The following NEMP2 variants were observed in gnomAD, a reference collection of about 807,000 sequenced individuals.
NEMP2 encodes UPF0571 transmembrane protein.
In NEMP2, 53 loss-of-function variants were observed where a neutral mutation model predicts 54.2. The ratio of observed to expected loss-of-function variants is 0.98; its 90% CI spans 0.78 to 1.23. The LOEUF is 1.23. Ranked by LOEUF, NEMP2 falls within the 50% of genes most tolerant of loss-of-function variation. The probability of loss-of-function intolerance (pLI) is 0.00; values close to 1 mark genes in which losing one functional copy is unlikely to be tolerated. For synonymous variants in NEMP2, 197 were observed against 190.3 expected (o/e 1.04, Z -0.29); for missense variants, 455 against 511.3 (o/e 0.89, Z 1.06).
the NEMP2 span, chr2:190,646,981 T>C: frequency 6.6e-6 from 1 of 152,206 alleles, no homozygotes; most frequent in Non-Finnish European, 1.5e-5. Flanking sequence ...ATAGAGGAAT[T>C]AGAAGAGAAT....
the NEMP2 span, among the ~76,000 whole-genome samples, chr2:190,618,580 C>T: frequency 6.6e-6 from 1 of 151,978 alleles, no homozygotes; most frequent in Non-Finnish European, 1.5e-5. Context: ...CCATTATCTA[C>T]CTTTTTTTAT....
chr2:190,434,444 TTTA>T, the NEMP2 span, among the ~76,000 whole-genome samples: 1 of 152,190 alleles, frequency 6.6e-6, no homozygotes, highest in Non-Finnish European at 1.5e-5. The surrounding 1 kb of genome is among the most constrained non-coding windows in gnomAD (Gnocchi z 4.3). Context: ...ATTTTATTTA[TTTA>T]TTTTTTTGAG....
At chr2:190,447,310 G>A in the NEMP2 span, among the ~76,000 whole-genome samples, 3 of 152,324 alleles carry the variant, frequency 2.0e-5, no homozygotes, top group South Asian at 6.2e-4. The surrounding 1 kb of genome is among the most constrained non-coding windows in gnomAD (Gnocchi z 4.5). Flanking sequence ...TTAGACATGA[G>A]TGATTGAGCG....
chr2:190,532,449 C>T (rs181605793), intron 1 of NEMP2, among the ~76,000 whole-genome samples: 12 of 152,258 alleles, frequency 7.9e-5, no homozygotes, highest in African/African-American at 2.9e-4. Flanking sequence ...CTGACAGGGC[C>T]TGAACTTCAT....
At chr2:190,578,780 A>G in the NEMP2 span, among the ~76,000 whole-genome samples, 1 of 151,356 alleles carries the variant, frequency 6.6e-6, no homozygotes, top group Non-Finnish European at 1.5e-5. This position sits in a 1 kb window ranked among gnomAD's most constrained non-coding sequence, Gnocchi z 4.4. Context: ...GGTGGAGGGA[A>G]AAAAAAAGCG....
At chr2:190,572,833 GTATATATATA>G in the NEMP2 span, among the ~76,000 whole-genome samples, 105 of 47,864 alleles carry the variant, frequency 2.2e-3, 2 homozygotes, top group African/African-American at 7.6e-3. Context: ...CTTTTCATGA[GTATATATATA>G]TATATATATA....
At chr2:190,421,691 G>C in the NEMP2 span, among the ~76,000 whole-genome samples, 1 of 151,868 alleles carries the variant, frequency 6.6e-6, no homozygotes, top group Non-Finnish European at 1.5e-5. Context: ...AAGTAGCTGG[G>C]ACTGTAAGCA....
the NEMP2 span, among the ~76,000 whole-genome samples, chr2:190,449,366 T>TG: frequency 2.0e-5 from 3 of 151,794 alleles, no homozygotes; most frequent in Admixed American, 1.3e-4. Context: ...CCCAGCTACT[T>TG]GGGAGGCTGA....
At chr2:190,453,096 G>A in the NEMP2 span, among the ~76,000 whole-genome samples, 1 of 152,100 alleles carries the variant, frequency 6.6e-6, no homozygotes, top group African/African-American at 2.4e-5. Context: ...AAAGAAAAAT[G>A]TCAGATGCTA....
At chr2:190,437,352 G>T in the NEMP2 span, 2 of 1,614,110 alleles carry the variant, frequency 1.2e-6, no homozygotes, top group African/African-American at 2.7e-5. The surrounding 1 kb of genome is among the most constrained non-coding windows in gnomAD (Gnocchi z 5.9). Flanking sequence ...TAATCAAGCT[G>T]CTCTGCAGCG....
chr2:190,627,173 G>A, the NEMP2 span, among the ~76,000 whole-genome samples: 1 of 152,166 alleles, frequency 6.6e-6, no homozygotes, highest in African/African-American at 2.4e-5. The surrounding 1 kb of genome is among the most constrained non-coding windows in gnomAD (Gnocchi z 4.4). Flanking sequence ...ATTTTCCCGT[G>A]TTGTCCCAAG....
chr2:190,422,597 T>G, the NEMP2 span, among the ~76,000 whole-genome samples: 2 of 152,312 alleles, frequency 1.3e-5, no homozygotes, highest in East Asian at 3.9e-4. Flanking sequence ...TGATGCTTAT[T>G]ATGTGAAATA....
chr2:190,519,237 T>A lies in NEMP2; in HGVS notation c.214-54A>T. On this transcript the variant is annotated intron_variant, in intron 2 of 8. Coordinates refer to ENST00000409150, the MANE Select transcript of NEMP2 (RefSeq NM_001142645.2). This position sits in a 1 kb window ranked among gnomAD's most constrained non-coding sequence, Gnocchi z 5.4. ...AACAGAATAACTTCTCTTTTTTGTT[T>A]TGGAGACAGGGTCTCCCTCTGTTGC... The A allele has an allele frequency of 3.1e-6, 4 of 1,296,398 alleles. No homozygotes were observed. Among genetic ancestry groups the A allele is most frequent in the Non-Finnish European group, 4.3e-6 (4 of 937,978 alleles). The allele number at this position is 1,296,398 out of a possible 1,614,324, so 80.3% of individuals were successfully genotyped here.
the NEMP2 span, among the ~76,000 whole-genome samples, chr2:190,605,855 A>G: frequency 6.6e-6 from 1 of 152,198 alleles, no homozygotes; most frequent in Non-Finnish European, 1.5e-5. Context: ...ACATACCTAG[A>G]TTATAGAACA....
chr2:190,648,660 G>C, the NEMP2 span, among the ~76,000 whole-genome samples: 1 of 151,556 alleles, frequency 6.6e-6, no homozygotes, highest in Non-Finnish European at 1.5e-5. Context: ...TCCGCAGCTG[G>C]AGAGCAGGCC....
chr2:190,541,025 G>A, the NEMP2 span, among the ~76,000 whole-genome samples: 1 of 151,962 alleles, frequency 6.6e-6, no homozygotes, highest in East Asian at 1.9e-4. The surrounding 1 kb of genome is among the most constrained non-coding windows in gnomAD (Gnocchi z 5.2). Context: ...ATTCACATTA[G>A]TCTCTAATGA....
At chr2:190,614,456 C>A in the NEMP2 span, among the ~76,000 whole-genome samples, 1 of 152,036 alleles carries the variant, frequency 6.6e-6, no homozygotes, top group East Asian at 1.9e-4. This position sits in a 1 kb window ranked among gnomAD's most constrained non-coding sequence, Gnocchi z 5.7. Flanking sequence ...AAAACAAAAA[C>A]AAAAACATGA....
At position 190,507,666 on chromosome 2, in the gene NEMP2, A is replaced by T. The variant is rs1690225389; in HGVS notation, c.*1523T>A. ...ACTTTAGTGGATATTACAAAAAAAAAAGTTCCCAGTATGAAAAGATGTCTG... is the reference window on the plus strand; with the variant it reads ...ACTTTAGTGGATATTACAAAAAAAATAGTTCCCAGTATGAAAAGATGTCTG... On this transcript the variant is annotated 3_prime_UTR_variant, in exon 9 of 9. Transcript: ENST00000409150. This position sits in a 1 kb window ranked among gnomAD's most constrained non-coding sequence, Gnocchi z 4.4. 3 of 152,204 alleles carry T rather than the reference A, an allele frequency of 2.0e-5. No individual in the cohort carries two copies. The highest frequency in any genetic ancestry group is 2.0e-4 in the Admixed American group (3 of 15,278). The allele number at this position is 152,204 out of a possible 1,614,324, so 9.4% of individuals were successfully genotyped here.
chr2:190,584,938 A>AGAAT, the NEMP2 span, among the ~76,000 whole-genome samples: 1 of 150,588 alleles, frequency 6.6e-6, no homozygotes, highest in African/African-American at 2.5e-5. The surrounding 1 kb of genome is among the most constrained non-coding windows in gnomAD (Gnocchi z 4.2). Flanking sequence ...AAAGAAAGAA[A>AGAAT]GAAAGAAAGA....
Sources: gnomAD v4.1 joint callset for allele counts (sites outside exome capture counted in the v4.1 genomes callset) on GRCh38, gnomAD v4.1.1 for gene constraint, Gnocchi (gnomAD v3.1) non-coding constraint, MANE v1.5 for transcripts, NCBI Gene and HGNC (gene_info 2026-07-23, HGNC 2026-07-21) for gene names.